LARP1: variants seen among roughly 807,000 people sequenced by gnomAD.
LARP1 encodes la-related protein 1.
LARP1 carries 36 observed loss-of-function variants against 122.7 expected under a neutral mutation model. The ratio of observed to expected loss-of-function variants is 0.29; its 90% confidence interval spans 0.22 to 0.39. The LOEUF (loss-of-function observed/expected upper bound fraction) is 0.39, where lower values mean the gene tolerates loss of function less well. LARP1 is among the 10% of genes least tolerant of loss of function. The pLI, the probability that LARP1 is intolerant of heterozygous loss-of-function variation, is 1.00. For synonymous variants in LARP1, 539 were observed against 528.7 expected (o/e 1.02, Z -0.27); for missense variants, 1,040 against 1,403.6 (o/e 0.74, Z 4.14).
intron 1 of LARP1, among the ~76,000 whole-genome samples, chr5:154,727,786 TAATA>T (rs1026333570): frequency 2.0e-5 from 3 of 152,156 alleles, no homozygotes; most frequent in African/African-American, 7.2e-5. Flanking sequence ...TTTAAAATGA[TAATA>T]AATAAAAGAA....
intron 14 of LARP1, among the ~76,000 whole-genome samples, chr5:154,805,522 T>C (rs1233502688): frequency 6.6e-6 from 1 of 152,144 alleles, no homozygotes. Context: ...TGTTCAAGGG[T>C]TCACTGTAGA....
At chr5:154,709,304 A>G (rs999460200), upstream of LARP1, among the ~76,000 whole-genome samples, 3 of 152,152 alleles carry the variant, frequency 2.0e-5, no homozygotes, top group African/African-American at 2.4e-5. Flanking sequence ...TCTGCTCTTC[A>G]TGTTCACATT....
At chr5:154,734,927 T>C (rs1200432955) in intron 1 of LARP1, among the ~76,000 whole-genome samples, 2 of 152,206 alleles carry the variant, frequency 1.3e-5, no homozygotes, top group Non-Finnish European at 2.9e-5. Flanking sequence ...ACAGTATTTG[T>C]TGTTTTGTGA....
At position 154,816,643 on chromosome 5, in the gene LARP1, T is replaced by C. The variant is rs1461719002; in HGVS notation, c.*2547T>C. The C allele has an allele frequency of 6.6e-6, 1 of 152,668 alleles. No homozygotes were observed. The highest frequency in any genetic ancestry group is 1.5e-5 in the Non-Finnish European group (1 of 68,062). 9.5% of individuals were successfully genotyped at this position (152,668 alleles called of 1,614,324 possible). ...AAGACACTTGAATTTAGGACCGATG[T>C]ATCTGTGACAAGCATGCCAGAAGTG... On this transcript the variant is annotated 3_prime_UTR_variant, in exon 19 of 19. Coordinates refer to ENST00000518297, the MANE Select transcript of LARP1 (RefSeq NM_033551.3).
upstream of LARP1, among the ~76,000 whole-genome samples, chr5:154,708,826 G>A (rs994573660): frequency 6.6e-6 from 1 of 152,094 alleles, no homozygotes; most frequent in Admixed American, 6.6e-5. Context: ...GGCCAGGCTG[G>A]TCTCGAACTT....
intron 8 of LARP1, among the ~76,000 whole-genome samples, chr5:154,798,420 A>G (rs780845502): frequency 6.6e-6 from 1 of 152,232 alleles, no homozygotes; most frequent in Non-Finnish European, 1.5e-5. Flanking sequence ...GCAAAGTAGC[A>G]GTATATAATA....
chr5:154,738,957 A>T (rs1416806162), intron 1 of LARP1, among the ~76,000 whole-genome samples: 5 of 152,318 alleles, frequency 3.3e-5, no homozygotes, highest in African/African-American at 9.6e-5. Flanking sequence ...AAAAATAAAT[A>T]AAAAATTTAA....
chr5:154,783,401 G>C (rs1053831242), intron 1 of LARP1, among the ~76,000 whole-genome samples: 1 of 152,178 alleles, frequency 6.6e-6, no homozygotes, highest in African/African-American at 2.4e-5. Flanking sequence ...CACTTGTCCA[G>C]CTGTTAGCTT....
chr5:154,738,003 A>G (rs1237890131), intron 1 of LARP1, among the ~76,000 whole-genome samples: 1 of 152,102 alleles, frequency 6.6e-6, no homozygotes, highest in African/African-American at 2.4e-5. Context: ...CAGGAACCTA[A>G]GGGACAATGG....
chr5:154,770,646 C>T (rs560346911), intron 1 of LARP1, among the ~76,000 whole-genome samples: 1 of 152,228 alleles, frequency 6.6e-6, no homozygotes, highest in South Asian at 2.1e-4. Context: ...GTTTTTTCTT[C>T]CTGACTTCTT....
chr5:154,760,614 C>T (rs1484845557), intron 1 of LARP1, among the ~76,000 whole-genome samples: 1 of 152,166 alleles, frequency 6.6e-6, no homozygotes, highest in Non-Finnish European at 1.5e-5. Flanking sequence ...AAAATTTCCT[C>T]CACCAAATAA....
rs774499415 is a variant in LARP1, at chr5:154,811,651, C to T, written c.3081+11C>T. 10 of 1,614,080 alleles carry T rather than the reference C, an allele frequency of 6.2e-6. No individual in the cohort carries two copies. Among genetic ancestry groups the T allele is most frequent in the Admixed American group, 1.7e-5 (1 of 60,010 alleles). On this transcript the variant is annotated intron_variant, in intron 18 of 18. Transcript: ENST00000518297. ...GACTTCCGAGTAGATGTAAGTGAAA[C>T]TCTTTCTCTAACTCTGCTTGTCCTG...
rs138314353 is a variant in LARP1 at position 154,765,247 on chromosome 5, C to G, written c.436+9054C>G. ...ATGTCATGTACTCTTTGCTTTGGGT[C>G]TTATGTTCTGTAGTGCTCTTCCCGC... is the stretch of plus-strand genomic sequence containing the variant. On this transcript the variant is annotated intron_variant, in intron 1 of 18. Coordinates refer to ENST00000518297, the MANE Select transcript of LARP1 (RefSeq NM_033551.3). Among the ~76,000 whole-genome samples the G allele has an allele frequency of 8.5e-3, 1,299 of 152,274 alleles. 14 individuals carry two copies. Among genetic ancestry groups the G allele is most frequent in the African/African-American group, 0.03 (1,235 of 41,546 alleles).
chr5:154,793,947 G>A lies in LARP1; in HGVS notation c.1016G>A (p.Gly339Asp), dbSNP rs1757543997. 1 of 1,613,408 alleles carries A rather than the reference G, an allele frequency of 6.2e-7. No individual in the cohort carries two copies. The highest frequency in any genetic ancestry group is 8.5e-7 in the Non-Finnish European group (1 of 1,179,574). Reference protein sequence around the residue: ...GAGGARASFRGRGRGRGRGRG... With the variant: ...GAGGARASFRDRGRGRGRGRG... ...GGTGGGGCGCGGGCTTCCTTCCGTG[G>A]CCGTGGACGGGGGCGTGGTCGCGGC... Residue 339 changes from glycine (G) to aspartate (D), a missense_variant, in exon 6 of 19, where the codon GGC becomes GAC. Physicochemically the swap from Gly to Asp is moderately conservative, Grantham distance 94. Coordinates refer to ENST00000518297, the MANE Select transcript of LARP1 (RefSeq NM_033551.3).
At position 154,806,119 on chromosome 5, in the gene LARP1, ACTCTTTT is replaced by A. The variant is rs200625620; in HGVS notation, c.2698+92_2698+98del. 2,913 of 1,398,656 alleles carry A rather than the reference ACTCTTTT, an allele frequency of 2.1e-3. 44 individuals are homozygous for A. In the African/African-American group the frequency reaches 0.033, roughly 16 times the overall value. 86.6% of individuals were successfully genotyped at this position (1,398,656 alleles called of 1,614,324 possible). A position where few individuals can be genotyped will look rare whatever the true frequency, so the allele number is the denominator to read the frequency against. ...GAGTTGGGGGATACGGGGATAGGTG[ACTCTTTT>A]CTCTGACTTCAGAGCAAAAAAAAGA... is the stretch of plus-strand genomic sequence containing the variant. On this transcript the variant is annotated intron_variant, in intron 15 of 18. Transcript: ENST00000518297.
intron 7 of LARP1, 82 bp from the exon 8 acceptor site, chr5:154,795,093 G>A (rs1372317697): frequency 1.5e-6 from 2 of 1,336,518 alleles, no homozygotes; most frequent in African/African-American, 1.4e-5. Flanking sequence ...GATTGCTGGG[G>A]TGTGTAGCAG....
At chr5:154,776,823 C>G (rs376320423) in intron 1 of LARP1, among the ~76,000 whole-genome samples, 8 of 152,224 alleles carry the variant, frequency 5.3e-5, no homozygotes, top group Non-Finnish European at 8.8e-5. Context: ...TTCAAACTAC[C>G]TTCTGCTCAG....
chr5:154,800,147 A>G, intron 10 of LARP1, 105 bp downstream of exon 10: 1 of 1,008,430 alleles, frequency 9.9e-7, no homozygotes, highest in East Asian at 2.5e-5. Flanking sequence ...GGCCAGCAGG[A>G]AATCTGGGTA....
upstream of LARP1, among the ~76,000 whole-genome samples, chr5:154,712,534 T>A (rs1006219020): frequency 1.3e-5 from 2 of 152,180 alleles, no homozygotes; most frequent in Non-Finnish European, 2.9e-5. Context: ...CACTGTGAGA[T>A]CATGTAGTCT....
Sources: gnomAD v4.1 joint callset for allele counts (sites outside exome capture counted in the v4.1 genomes callset) on GRCh38, gnomAD v4.1.1 for gene constraint, MANE v1.5 for transcripts, NCBI Gene and HGNC (gene_info 2026-07-23, HGNC 2026-07-21) for gene names.